The following ZBTB7C variants were observed in gnomAD, a reference collection of about 807,000 sequenced individuals.
ZBTB7C encodes zinc finger and BTB domain-containing protein 7C.
In ZBTB7C, 8 loss-of-function variants were observed where a neutral mutation model predicts 25.7. The observed-to-expected ratio is 0.31, with a 90% confidence interval of 0.18 to 0.56. The LOEUF (loss-of-function observed/expected upper bound fraction) is 0.56. Ranked by LOEUF, ZBTB7C falls within the 20% of genes least tolerant of loss-of-function variation. The pLI, the probability that ZBTB7C is intolerant of heterozygous loss-of-function variation, is 0.91. For missense variants in ZBTB7C, 824 were observed against 855.2 expected, an observed-to-expected ratio of 0.96 and a Z score of 0.46; for synonymous variants, 394 against 369.0, an observed-to-expected ratio of 1.07 and a Z score of -0.78.
intron 1 of ZBTB7C, among the ~76,000 whole-genome samples, chr18:48,373,540 C>A (rs551162638): frequency 6.6e-6 from 1 of 152,168 alleles, no homozygotes; most frequent in East Asian, 1.9e-4. Flanking sequence ...AATTGTAATC[C>A]CCATGCTGGA....
At chr18:48,162,466 G>C in intron 3 of ZBTB7C, 2 of 449,580 alleles carry the variant, frequency 4.4e-6, no homozygotes, top group Non-Finnish European at 9.0e-6. Flanking sequence ...GCACATAATA[G>C]GGACTTCATA....
chr18:48,132,446 G>A (rs897733665), intron 3 of ZBTB7C, among the ~76,000 whole-genome samples: 1 of 152,132 alleles, frequency 6.6e-6, no homozygotes, highest in Non-Finnish European at 1.5e-5. Context: ...CTGCTAATGG[G>A]TACAGTATTT....
Position 48,246,429 on chromosome 18 carries a change from CA to C in ZBTB7C, c.-78-60435del, listed in dbSNP as rs533876827. The stretch of plus-strand genomic sequence containing the variant: ...TGGGCAAGAGAGCGAGACTCTGTCT[CA>C]AAAAAAAATAAATAATAAAATAATA... On this transcript the variant is annotated intron_variant, in intron 2 of 4. Coordinates refer to ENST00000590800, the MANE Select transcript of ZBTB7C (RefSeq NM_001318841.2). Among the ~76,000 whole-genome samples the C allele has an allele frequency of 6.4e-5, 9 of 140,236 alleles. No homozygotes were observed. In the South Asian group the frequency reaches 9.0e-4, roughly 14 times the overall value. 92.0% of individuals were successfully genotyped at this position (140,236 alleles called of 152,430 possible).
chr18:48,394,194 T>C (rs1217334752), intron 1 of ZBTB7C, among the ~76,000 whole-genome samples: 1 of 152,244 alleles, frequency 6.6e-6, no homozygotes, highest in Non-Finnish European at 1.5e-5. Context: ...GCAGGTGTGT[T>C]GTACCTGCAA....
chr18:48,150,704 G>C (rs1404819194), intron 3 of ZBTB7C: 1 of 152,150 alleles, frequency 6.6e-6, no homozygotes, highest in Non-Finnish European at 1.5e-5. Flanking sequence ...CTGTTTCCGG[G>C]AATCTCAAAG....
intron 3 of ZBTB7C, among the ~76,000 whole-genome samples, chr18:48,057,175 TC>T (rs1458673241): frequency 6.6e-6 from 1 of 151,820 alleles, no homozygotes; most frequent in Non-Finnish European, 1.5e-5. Context: ...AAATTAGATT[TC>T]AAGTTTCATC....
chr18:48,137,418 C>T (rs923495256), intron 3 of ZBTB7C: 2 of 697,882 alleles, frequency 2.9e-6, no homozygotes, highest in Non-Finnish European at 3.5e-6. Flanking sequence ...GTGGGTTTCC[C>T]CCCACTCTCC....
At chr18:48,036,250 C>T (rs766185681) in intron 4 of ZBTB7C, among the ~76,000 whole-genome samples, 3 of 152,184 alleles carry the variant, frequency 2.0e-5, no homozygotes, top group Admixed American at 6.5e-5. Context: ...TGTCCCTCCT[C>T]TCTAGACCCA....
intron 2 of ZBTB7C, among the ~76,000 whole-genome samples, chr18:48,290,860 A>G (rs765089928): frequency 3.6e-4 from 55 of 152,232 alleles, no homozygotes; most frequent in Non-Finnish European, 1.3e-4. Flanking sequence ...CATAGGTGTT[A>G]TGTGCTGCGG....
intron 3 of ZBTB7C, among the ~76,000 whole-genome samples, chr18:48,054,440 A>T (rs1450716399): frequency 2.6e-5 from 4 of 152,162 alleles, no homozygotes; most frequent in Admixed American, 1.3e-4. Context: ...GAAAGAGGAC[A>T]GAGTCACATG....
At chr18:48,233,473 G>A (rs574007913) in intron 2 of ZBTB7C, among the ~76,000 whole-genome samples, 1 of 152,352 alleles carries the variant, frequency 6.6e-6, no homozygotes, top group South Asian at 2.1e-4. Context: ...AATACAAAGA[G>A]CATACATAAC....
rs2144725177 is a variant in ZBTB7C, at chr18:48,121,950, T to C, written c.-17+63984A>G. ...ACCCATGGATGTGGAGGATACAGCA[T>C]TAAGGCCTGAGCTGACCTGTGCCTG... On this transcript the variant is annotated intron_variant, in intron 3 of 4. Coordinates refer to ENST00000590800, the MANE Select transcript of ZBTB7C (RefSeq NM_001318841.2). 2.0e-5 allele frequency among the ~76,000 whole-genome samples: 3 copies of C among 152,266 alleles called. No individual in the cohort carries two copies. In the Middle Eastern group the frequency reaches 0.01, roughly 518 times the overall value.
intron 2 of ZBTB7C, among the ~76,000 whole-genome samples, chr18:48,211,051 C>T (rs903536675): frequency 1.3e-5 from 2 of 152,148 alleles, no homozygotes; most frequent in Non-Finnish European, 2.9e-5. Flanking sequence ...ATATAGTCAA[C>T]TGATCTTTGA....
chr18:48,321,792 C>G (rs899531915), intron 2 of ZBTB7C, among the ~76,000 whole-genome samples: 1 of 152,156 alleles, frequency 6.6e-6, no homozygotes, highest in Non-Finnish European at 1.5e-5. Flanking sequence ...GTGCAGGCTG[C>G]GTGCCGATCC....
chr18:48,203,025 C>A (rs2042492393), intron 2 of ZBTB7C, among the ~76,000 whole-genome samples: 1 of 152,082 alleles, frequency 6.6e-6, no homozygotes, highest in African/African-American at 2.4e-5. Context: ...TTCTCACCCT[C>A]ACCCAGCCAC....
At chr18:48,262,762 G>C (rs1469811778) in intron 2 of ZBTB7C, among the ~76,000 whole-genome samples, 1 of 152,124 alleles carries the variant, frequency 6.6e-6, no homozygotes, top group African/African-American at 2.4e-5. Context: ...GCTAGGTTTT[G>C]TCTTTAGGGC....
intron 3 of ZBTB7C, among the ~76,000 whole-genome samples, chr18:48,086,832 T>C (rs2144521451): frequency 6.6e-6 from 1 of 152,364 alleles, no homozygotes; most frequent in East Asian, 1.9e-4. Flanking sequence ...TACCATCTTA[T>C]TTAAATTTAA....
chr18:48,095,438 C>A (rs1448367269), intron 3 of ZBTB7C, among the ~76,000 whole-genome samples: 1 of 152,196 alleles, frequency 6.6e-6, no homozygotes, highest in Non-Finnish European at 1.5e-5. Flanking sequence ...CACGGTGGCT[C>A]ATGCCACCCA....
At chr18:48,226,039 C>A (rs1335135403) in intron 2 of ZBTB7C, among the ~76,000 whole-genome samples, 1 of 152,076 alleles carries the variant, frequency 6.6e-6, no homozygotes, top group East Asian at 1.9e-4. Context: ...CCGCGCCCAG[C>A]CTGAGGAAAC....
Sources: gnomAD v4.1 joint callset for allele counts (sites outside exome capture counted in the v4.1 genomes callset) on GRCh38, gnomAD v4.1.1 for gene constraint, MANE v1.5 for transcripts, NCBI Gene and HGNC (gene_info 2026-07-23, HGNC 2026-07-21) for gene names.